The following NOL10 variants were observed in gnomAD, a reference collection of about 807,000 sequenced individuals.
NOL10 encodes nucleolar protein 10.
A neutral mutation model predicts 103.5 loss-of-function variants in NOL10; 58 were observed. That is an observed-to-expected ratio of 0.56 (90% CI 0.45 to 0.70). The LOEUF (loss-of-function observed/expected upper bound fraction) is 0.70, where lower values mean the gene tolerates loss of function less well. Ranked by LOEUF, NOL10 falls within the 30% of genes least tolerant of loss-of-function variation. NOL10 has a pLI of 0.00. For synonymous variants in NOL10, 287 were observed against 282.5 expected (o/e 1.02, Z -0.16); for missense variants, 763 against 807.3 (o/e 0.95, Z 0.67).
intron 13 of NOL10, among the ~76,000 whole-genome samples, chr2:10,639,283 G>A (rs934058442): frequency 3.3e-5 from 5 of 152,084 alleles, no homozygotes; most frequent in African/African-American, 1.2e-4. Context: ...TTAGCTGGGC[G>A]TGGCAGCGTG....
chr2:10,579,233 C>A (rs968136194), intron 19 of NOL10, among the ~76,000 whole-genome samples: 1 of 152,146 alleles, frequency 6.6e-6, no homozygotes, highest in African/African-American at 2.4e-5. Context: ...CTTTTCTAAG[C>A]AATAATGTTA....
chr2:10,611,257 T>C (rs181858148), intron 13 of NOL10, among the ~76,000 whole-genome samples: 26 of 152,370 alleles, frequency 1.7e-4, no homozygotes, highest in Admixed American at 5.2e-4. Context: ...TGAATCTTTA[T>C]GTACCAACAT....
chr2:10,676,437 A>T (rs963638795), intron 3 of NOL10, among the ~76,000 whole-genome samples: 1 of 152,252 alleles, frequency 6.6e-6, no homozygotes, highest in Non-Finnish European at 1.5e-5. Context: ...AGTTGAATAA[A>T]TGACAATAAA....
At position 10,668,690 on chromosome 2, in the gene NOL10, T is replaced by A; in HGVS notation, c.498A>T (p.Gly166=). The A allele has an allele frequency of 6.5e-7, 1 of 1,546,800 alleles. No individual in the cohort carries two copies. Among genetic ancestry groups the A allele is most frequent in the African/African-American group, 1.4e-5 (1 of 74,048 alleles). The change falls in exon 7 of 21, where the codon GGA becomes GGT. Residue 166 remains glycine, a synonymous_variant. Transcript: ENST00000381685. The stretch of plus-strand genomic sequence containing the variant: ...CAGTTTGTAGAGGATTCAGGTATCG[T>A]CCTTGTTCTAAGTTTAACCTATAAA... The part of the protein sequence containing the change: ...SEVYRLNLEQ[G]RYLNPLQTDA...
At chr2:10,574,125 T>G (rs965006548) in intron 20 of NOL10, among the ~76,000 whole-genome samples, 1 of 152,192 alleles carries the variant, frequency 6.6e-6, no homozygotes, top group African/African-American at 2.4e-5. Flanking sequence ...ACCCGCTGTC[T>G]CTCTCTCCCA....
At chr2:10,684,662 T>C in intron 1 of NOL10, 50 bp from the exon 2 acceptor site, 2 of 1,445,582 alleles carry the variant, frequency 1.4e-6, no homozygotes, top group Non-Finnish European at 1.9e-6. Flanking sequence ...AGCTAAATTG[T>C]TTTTCGGCTT....
chr2:10,660,036 G>C (rs1243574650), intron 9 of NOL10, among the ~76,000 whole-genome samples: 1 of 152,166 alleles, frequency 6.6e-6, no homozygotes, highest in African/African-American at 2.4e-5. Flanking sequence ...ATGATCTCCA[G>C]TGGAAAGAGT....
chr2:10,618,621 T>C (rs567568851), intron 13 of NOL10, among the ~76,000 whole-genome samples: 66 of 152,292 alleles, frequency 4.3e-4, no homozygotes, highest in Middle Eastern at 6.8e-3. Context: ...TAAAATGAGG[T>C]TCCAGGAAGG....
rs185169804 is a variant in NOL10 at position 10,580,761 on chromosome 2, A to G, written c.1845-3023T>C. ...CACGCGCACACACACATATTTAATT[A>G]AAACTCAATGCTCCTCAGATGAGAG... is the stretch of plus-strand genomic sequence containing the variant. On this transcript the variant is annotated intron_variant, in intron 19 of 20. Transcript: ENST00000381685. 2.8e-3 allele frequency among the ~76,000 whole-genome samples: 431 copies of G among 152,306 alleles called. 1 individual carries two copies. Among genetic ancestry groups the G allele is most frequent in the Admixed American group, 4.8e-3 (74 of 15,296 alleles).
At chr2:10,686,769 T>C (rs2148373873) in intron 1 of NOL10, among the ~76,000 whole-genome samples, 1 of 152,080 alleles carries the variant, frequency 6.6e-6, no homozygotes, top group South Asian at 2.1e-4. Flanking sequence ...AAGCCTCCAG[T>C]GTTTTTGGCA....
chr2:10,589,808 C>A, intron 17 of NOL10, 57 bp from the exon 18 acceptor site: 2 of 1,098,068 alleles, frequency 1.8e-6, no homozygotes, highest in Non-Finnish European at 2.5e-6. Context: ...AAAATTTGAC[C>A]AGAAACATGG....
chr2:10,645,928 A>AAC (rs1348815839), intron 12 of NOL10, among the ~76,000 whole-genome samples: 20 of 121,642 alleles, frequency 1.6e-4, no homozygotes, highest in East Asian at 8.1e-4. Context: ...ATGCACACAA[A>AAC]ACACACACAC....
chr2:10,601,086 T>G (rs1675951727), intron 16 of NOL10, 144 bp from the exon 17 acceptor site: 2 of 521,762 alleles, frequency 3.8e-6, no homozygotes, highest in East Asian at 7.4e-5. Context: ...TTTTTTGAGA[T>G]GGAGTCTCGC....
In NOL10 at chr2:10,662,985, G is replaced by C. The variant is rs770451005; in HGVS notation, c.651C>G (p.Ala217=). The change falls in exon 9 of 21, where the codon GCC becomes GCG. Residue 217 remains alanine (A), a synonymous_variant. Coordinates refer to ENST00000381685, the MANE Select transcript of NOL10 (RefSeq NM_024894.4). The stretch of plus-strand genomic sequence containing the variant: ...CTGAATCTGCTGTGACACTGTTTAA[G>C]GCGCAGTCTAACAGGCCAACTCTGT... ...TRNRVGLLDC[A]LNSVTADSEI... The C allele has an allele frequency of 4.3e-6, 7 of 1,613,652 alleles. No individual in the cohort carries two copies. Among genetic ancestry groups the C allele is most frequent in the African/African-American group, 1.3e-5 (1 of 74,906 alleles).
chr2:10,572,919 T>C lies in NOL10; in HGVS notation c.1948-729A>G, dbSNP rs193300378. ...GGAGCTGGAACTCCTCCCTACCCCA[T>C]CCCTGGCGCCAAATGGTTTAACTAC... On this transcript the variant is annotated intron_variant, in intron 20 of 20. Transcript: ENST00000381685. 2.8e-3 allele frequency among the ~76,000 whole-genome samples: 420 copies of C among 152,234 alleles called. 1 individual carries two copies. The highest frequency in any genetic ancestry group is 6.6e-3 in the Admixed American group (101 of 15,292).
chr2:10,631,579 C>T (rs1677845605), intron 13 of NOL10, among the ~76,000 whole-genome samples: 1 of 152,188 alleles, frequency 6.6e-6, no homozygotes, highest in Admixed American at 6.5e-5. Flanking sequence ...AATTTGTTGG[C>T]ACTCCCAAAC....
chr2:10,652,856 G>A (rs774758582), intron 12 of NOL10, among the ~76,000 whole-genome samples: 2 of 152,142 alleles, frequency 1.3e-5, no homozygotes, highest in East Asian at 1.9e-4. Flanking sequence ...TCTGCGGATC[G>A]GTTCAGGGCT....
intron 1 of NOL10, among the ~76,000 whole-genome samples, chr2:10,685,501 C>CCA (rs1252592609): frequency 6.4e-5 from 1 of 15,586 alleles, no homozygotes; most frequent in African/African-American, 1.9e-4. Flanking sequence ...CCCCCCCCCC[C>CCA]CCCCCCGCCA....
At chr2:10,624,529 C>G (rs1677342068) in intron 13 of NOL10, among the ~76,000 whole-genome samples, 1 of 151,804 alleles carries the variant, frequency 6.6e-6, no homozygotes, top group Non-Finnish European at 1.5e-5. Context: ...AAAATAATAA[C>G]CTAAGCAAAT....
Sources: allele counts gnomAD v4.1 joint callset (sites outside exome capture counted in the v4.1 genomes callset), GRCh38; gene constraint gnomAD v4.1.1; transcripts MANE v1.5; gene names NCBI Gene and HGNC (gene_info 2026-07-23, HGNC 2026-07-21).